The following PTPRD variants were observed in gnomAD, a reference collection of about 807,000 sequenced individuals.
The protein encoded by PTPRD is protein tyrosine phosphatase receptor type D.
Under a neutral mutation model 214.5 loss-of-function variants are expected in PTPRD, and 34 were observed. The ratio of observed to expected loss-of-function variants is 0.16; its 90% confidence interval spans 0.12 to 0.21. The LOEUF (loss-of-function observed/expected upper bound fraction) is 0.21. Ranked by LOEUF, PTPRD falls within the 10% of genes least tolerant of loss-of-function variation. The pLI is 1.00. For synonymous variants in PTPRD, 1,128 were observed against 845.7 expected (o/e 1.33, Z -5.79); for missense variants, 2,545 against 2,398.7 (o/e 1.06, Z -1.27).
chr9:9,432,661 G>C (rs2083656571), intron 8 of PTPRD, among the ~76,000 whole-genome samples: 1 of 152,130 alleles, frequency 6.6e-6, no homozygotes, highest in Non-Finnish European at 1.5e-5. Context: ...TGTTCAAACA[G>C]AAATTAGCTA....
At chr9:9,603,517 A>T (rs764049987) in intron 7 of PTPRD, among the ~76,000 whole-genome samples, 5 of 152,178 alleles carry the variant, frequency 3.3e-5, no homozygotes, top group Non-Finnish European at 7.4e-5. Context: ...CAGGCGGCAT[A>T]CCCGGAAGTG....
At chr9:10,442,732 C>T (rs151228163) in intron 2 of PTPRD, among the ~76,000 whole-genome samples, 63 of 151,548 alleles carry the variant, frequency 4.2e-4, no homozygotes, top group Middle Eastern at 6.8e-3. Flanking sequence ...TAAATCTTTA[C>T]TTCTGCTTGT....
At chr9:10,411,882 T>G (rs1587615343) in intron 2 of PTPRD, among the ~76,000 whole-genome samples, 1 of 151,880 alleles carries the variant, frequency 6.6e-6, no homozygotes, top group South Asian at 2.1e-4. Flanking sequence ...ATGAATAAAC[T>G]TGGGGTAAAA....
At chr9:10,024,027 A>G (rs1170188604) in intron 4 of PTPRD, among the ~76,000 whole-genome samples, 4 of 152,078 alleles carry the variant, frequency 2.6e-5, no homozygotes, top group South Asian at 2.1e-4. Context: ...AGTACTTTCT[A>G]TATTTTTATA....
chr9:8,415,997 G>A lies in PTPRD; in HGVS notation c.4087-11337C>T, dbSNP rs375268984. Among the ~76,000 whole-genome samples, 149 of 152,186 alleles carry A rather than the reference G, an allele frequency of 9.8e-4. No individual in the cohort carries two copies. In the South Asian group the frequency reaches 0.022, roughly 23 times the overall value. On this transcript the variant is annotated intron_variant, in intron 35 of 45. Coordinates refer to ENST00000381196, the MANE Select transcript of PTPRD (RefSeq NM_002839.4). The stretch of plus-strand genomic sequence containing the variant: ...TCTACCTGGCTCAATTCACCCCACT[G>A]TGAAGTCAGTCTTTGATTCATCCAT...
chr9:9,773,355 TTATAA>T (rs1349526217), intron 5 of PTPRD, among the ~76,000 whole-genome samples: 2 of 152,126 alleles, frequency 1.3e-5, no homozygotes, highest in East Asian at 3.9e-4. Context: ...CTTCCCACAG[TTATAA>T]TATATGAATA....
At chr9:8,852,926 G>C (rs1431851392) in intron 11 of PTPRD, among the ~76,000 whole-genome samples, 1 of 152,290 alleles carries the variant, frequency 6.6e-6, no homozygotes. Flanking sequence ...AGGCACTGCA[G>C]GCATTGTTTT....
intron 11 of PTPRD, among the ~76,000 whole-genome samples, chr9:8,895,166 T>G (rs897885443): frequency 2.6e-5 from 4 of 152,204 alleles, no homozygotes; most frequent in African/African-American, 9.7e-5. Flanking sequence ...GCTGTAGATA[T>G]TTTTAAACAT....
chr9:10,138,588 A>G (rs988615269), intron 3 of PTPRD, among the ~76,000 whole-genome samples: 10 of 152,098 alleles, frequency 6.6e-5, no homozygotes, highest in African/African-American at 2.4e-4. Context: ...TCCTGAAACC[A>G]AAATCTCACA....
chr9:9,438,972 C>T (rs2086417041), intron 8 of PTPRD, among the ~76,000 whole-genome samples: 1 of 152,200 alleles, frequency 6.6e-6, no homozygotes, highest in East Asian at 1.9e-4. Flanking sequence ...TAATATGGAA[C>T]TAAGTCAATA....
intron 39 of PTPRD, among the ~76,000 whole-genome samples, chr9:8,362,499 T>C (rs998601469): frequency 6.6e-6 from 1 of 152,190 alleles, no homozygotes; most frequent in Non-Finnish European, 1.5e-5. Flanking sequence ...CAAATCTAAG[T>C]AGCAAGCATG....
intron 9 of PTPRD, among the ~76,000 whole-genome samples, chr9:9,187,105 A>C (rs528980300): frequency 6.6e-6 from 1 of 151,896 alleles, no homozygotes; most frequent in East Asian, 1.9e-4. Context: ...ATTAGAAAAA[A>C]GTTTACTTCC....
At position 9,277,609 on chromosome 9, in the gene PTPRD, T is replaced by C. The variant is rs558711492; in HGVS notation, c.-202-94246A>G. Among the ~76,000 whole-genome samples, 4 of 151,464 alleles carry C rather than the reference T, an allele frequency of 2.6e-5. No homozygotes were observed. In the South Asian group the frequency reaches 8.3e-4, roughly 31 times the overall value. On this transcript the variant is annotated intron_variant, in intron 9 of 45. Transcript: ENST00000381196. ...TATTATACACATCTATCTGTGACCC[T>C]CTCAAAATAAAACTATACCTATAAT...
chr9:8,672,483 T>C (rs989102757), intron 12 of PTPRD, among the ~76,000 whole-genome samples: 11 of 152,182 alleles, frequency 7.2e-5, no homozygotes, highest in African/African-American at 2.7e-4. Flanking sequence ...TTGGGCAGGA[T>C]GTTACAGATA....
In PTPRD at chr9:9,389,967, G is replaced by C. The variant is rs542914928; in HGVS notation, c.-203+7482C>G. 2.0e-5 allele frequency among the ~76,000 whole-genome samples: 3 copies of C among 152,252 alleles called. No individual in the cohort carries two copies. In the East Asian group the frequency reaches 5.8e-4, roughly 29 times the overall value. On this transcript the variant is annotated intron_variant, in intron 9 of 45. Transcript: ENST00000381196. ...GGTAGGTAAGTGCTCTGGAGGCAATGGAAAATAGATTAAGAGCATTAAGTG... is the reference window on the plus strand; with the variant it reads ...GGTAGGTAAGTGCTCTGGAGGCAATCGAAAATAGATTAAGAGCATTAAGTG...
In PTPRD at chr9:9,178,956, G is replaced by A. The variant is rs559648311; in HGVS notation, c.-143+4348C>T. On this transcript the variant is annotated intron_variant, in intron 10 of 45. Transcript: ENST00000381196. ...ACTGTAATCAAAGATCTCTTTTAGA[G>A]ACCTGAATATGTTCCTGCTACGTGT... 2.0e-5 allele frequency among the ~76,000 whole-genome samples: 3 copies of A among 152,114 alleles called. No homozygotes were observed. The South Asian group carries it at 6.2e-4, about 32-fold the overall frequency.
chr9:8,465,260 T>C (rs2096523872), intron 32 of PTPRD, among the ~76,000 whole-genome samples: 1 of 151,944 alleles, frequency 6.6e-6, no homozygotes, highest in East Asian at 1.9e-4. Context: ...CTAAATTTCC[T>C]TCATCAGAGA....
intron 3 of PTPRD, among the ~76,000 whole-genome samples, chr9:10,223,142 A>C (rs1222028341): frequency 2.0e-5 from 3 of 151,398 alleles, no homozygotes; most frequent in Non-Finnish European, 2.9e-5. Flanking sequence ...TCTTTTCCTC[A>C]TGCATTTTCC....
chr9:9,724,390 T>C (rs999671587), intron 7 of PTPRD, among the ~76,000 whole-genome samples: 7 of 152,174 alleles, frequency 4.6e-5, no homozygotes, highest in African/African-American at 1.7e-4. Context: ...AGTGTTCAAG[T>C]TGTGTGCTTA....
Sources: allele counts gnomAD v4.1 joint callset (sites outside exome capture counted in the v4.1 genomes callset), GRCh38; gene constraint gnomAD v4.1.1; transcripts MANE v1.5; gene names NCBI Gene and HGNC (gene_info 2026-07-23, HGNC 2026-07-21).